Variants in NASP observed in about 807,000 individuals in gnomAD.
NASP encodes the protein nuclear autoantigenic sperm protein.
In NASP, 24 loss-of-function variants were observed where a neutral mutation model predicts 89.5. The observed-to-expected ratio is 0.27, with a 90% confidence interval of 0.19 to 0.38. NASP has a LOEUF of 0.38. Among genes scored for constraint, NASP ranks in the 10% least tolerant of loss-of-function variants. The probability of loss-of-function intolerance (pLI) is 1.00; values close to 1 mark genes in which losing one functional copy is unlikely to be tolerated. For synonymous variants in NASP, 306 were observed against 324.7 expected (o/e 0.94, Z 0.62); for missense variants, 848 against 921.4 (o/e 0.92, Z 1.03).
chr1:45,595,393 A>G (rs953291466), intron 2 of NASP, among the ~76,000 whole-genome samples: 3 of 151,998 alleles, frequency 2.0e-5, no homozygotes, highest in Non-Finnish European at 2.9e-5. Context: ...CCTTTGTTTT[A>G]TATTTGGTTC....
chr1:45,616,588 T>C (rs756916292), intron 12 of NASP, 38 bp from the exon 13 acceptor site: 2 of 1,592,864 alleles, frequency 1.3e-6, no homozygotes, highest in South Asian at 1.1e-5. Flanking sequence ...TGATCTCATA[T>C]AGCTTGTACA....
At chr1:45,616,459 C>A in intron 12 of NASP, 66 bp downstream of exon 12, 1 of 1,570,106 alleles carries the variant, frequency 6.4e-7, no homozygotes, top group Non-Finnish European at 8.8e-7. Context: ...GCCTGTAATC[C>A]CAGCATTTTG....
chr1:45,584,352 G>GT, intron 1 of NASP, 147 bp downstream of exon 1: 1 of 711,382 alleles, frequency 1.4e-6, no homozygotes, highest in Non-Finnish European at 2.3e-6. Flanking sequence ...CCTGGTCACT[G>GT]GAGCAGTCCT....
At chr1:45,613,273 G>A (rs1421325371) in intron 7 of NASP, 25 bp downstream of exon 7, 1 of 1,590,704 alleles carries the variant, frequency 6.3e-7, no homozygotes, top group East Asian at 2.3e-5. Context: ...ACTCAGTACT[G>A]TTGTCAGCCT....
intron 2 of NASP, among the ~76,000 whole-genome samples, chr1:45,600,064 T>C (rs917061138): frequency 6.6e-6 from 1 of 151,434 alleles, no homozygotes; most frequent in African/African-American, 2.4e-5. Context: ...TCTGGAATTG[T>C]GCCCAGCAAT....
chr1:45,601,685 T>G (rs1643847139), intron 2 of NASP, among the ~76,000 whole-genome samples: 1 of 151,262 alleles, frequency 6.6e-6, no homozygotes, highest in African/African-American at 2.4e-5. Context: ...GTGGATCAAT[T>G]AGGAAATATT....
At position 45,615,083 on chromosome 1, in the gene NASP, C is replaced by G; in HGVS notation, c.1737C>G (p.His579Gln). The change falls in exon 10 of 15, where the codon CAC becomes CAG. Residue 579 changes from histidine to glutamine, a missense_variant. This residue lies in a region of NASP where 60 missense variants were observed against 114.6 expected (regional missense o/e 0.52). Transcript: ENST00000350030. ...TGCAGGAACAGTACCTGGAAGCCCACGACCGTCTCCTTGCAGAGACCCACT... is the reference window on the plus strand; with the variant it reads ...TGCAGGAACAGTACCTGGAAGCCCAGGACCGTCTCCTTGCAGAGACCCACT... Reference protein sequence around the residue: ...LNLQEQYLEAHDRLLAETHYQ... With the variant: ...LNLQEQYLEAQDRLLAETHYQ... 1 of 1,614,132 alleles carries G rather than the reference C, an allele frequency of 6.2e-7. No individual in the cohort carries two copies.
intron 6 of NASP, chr1:45,611,161 G>A (rs1051759709): frequency 6.6e-6 from 1 of 152,204 alleles, no homozygotes; most frequent in Non-Finnish European, 1.5e-5. Flanking sequence ...ATTTACATAT[G>A]TAGGATAATT....
chr1:45,605,914 T>A (rs1436073350), intron 4 of NASP, among the ~76,000 whole-genome samples: 5 of 151,692 alleles, frequency 3.3e-5, no homozygotes, highest in Non-Finnish European at 1.5e-5. Context: ...GTAGCTGGGA[T>A]TACAAGTATG....
rs190668134 is a variant in NASP, at chr1:45,601,975, A to G, written c.108-280A>G. Among the ~76,000 whole-genome samples, 459 of 152,074 alleles carry G rather than the reference A, an allele frequency of 3.0e-3. 4 individuals are homozygous for G. The highest frequency in any genetic ancestry group is 0.022 in the East Asian group (115 of 5,158). ...CACCATGTTAGCCAGGATGGTCTCG[A>G]TCTCCTGACCTCGTGGTCTGCCCGC... On this transcript the variant is annotated intron_variant, in intron 2 of 14. Transcript: ENST00000350030.
chr1:45,617,673 C>T (rs974754787), intron 14 of NASP, 82 bp downstream of exon 14: 1 of 1,442,680 alleles, frequency 6.9e-7, no homozygotes, highest in African/African-American at 1.4e-5. Context: ...CAAGTGCATG[C>T]TCCCCACCTT....
intron 10 of NASP, 30 bp from the exon 11 acceptor site, chr1:45,615,275 A>C (rs1972410): frequency 0.71 from 1,139,552 of 1,610,972 alleles, 403,785 homozygotes; most frequent in African/African-American, 0.76. Flanking sequence ...TTCTTTTTTG[A>C]GCCATTACTA....
In NASP at chr1:45,617,695, C is replaced by T. The variant is rs968138644; in HGVS notation, c.2286+104C>T. The T allele has an allele frequency of 2.6e-5, 35 of 1,352,780 alleles. No individual in the cohort carries two copies. The African/African-American group carries it at 3.8e-4, about 15-fold the overall frequency. 83.8% of individuals were successfully genotyped at this position (1,352,780 alleles called of 1,614,324 possible). On this transcript the variant is annotated intron_variant, in intron 14 of 14. Transcript: ENST00000350030. ...ATGCTCCCCACCTTGAGCCTGCTAA[C>T]GATTGTTGAGTGCAGTCCTCACAGA...
chr1:45,611,309 C>T (rs1388272011), intron 6 of NASP: 1 of 152,144 alleles, frequency 6.6e-6, no homozygotes, highest in African/African-American at 2.4e-5. Context: ...AACAAAATAT[C>T]TTAATTACTT....
intron 5 of NASP, among the ~76,000 whole-genome samples, chr1:45,606,874 T>A (rs1167023976): frequency 6.6e-6 from 1 of 152,262 alleles, no homozygotes; most frequent in Non-Finnish European, 1.5e-5. Flanking sequence ...TTTTAAATAC[T>A]ATTACAACCT....
At chr1:45,602,225 T>C in intron 2 of NASP, 30 bp from the exon 3 acceptor site, 2 of 1,604,198 alleles carry the variant, frequency 1.2e-6, no homozygotes, top group Non-Finnish European at 1.7e-6. Flanking sequence ...TAAACAGTAC[T>C]TGACACTAGA....
intron 14 of NASP, among the ~76,000 whole-genome samples, 159 bp from the exon 15 acceptor site, chr1:45,617,902 G>A (rs1198083862): frequency 2.0e-5 from 3 of 152,240 alleles, no homozygotes; most frequent in South Asian, 2.1e-4. Context: ...TTATCACAGA[G>A]TATTCAAGAA....
intron 5 of NASP, 78 bp downstream of exon 5, chr1:45,606,669 A>G: frequency 1.0e-6 from 1 of 980,792 alleles, no homozygotes; most frequent in Non-Finnish European, 1.6e-6. Flanking sequence ...ACGGGGCTCT[A>G]CCTGTCCTGG....
Position 45,584,092 on chromosome 1 carries a change from C to A in NASP, c.-55C>A. 1 of 1,503,118 alleles carries A rather than the reference C, an allele frequency of 6.7e-7. No individual in the cohort carries two copies. The highest frequency in any genetic ancestry group is 1.2e-5 in the South Asian group (1 of 83,122). The allele number at this position is 1,503,118 out of a possible 1,614,324, so 93.1% of individuals were successfully genotyped here. On this transcript the variant is annotated 5_prime_UTR_variant, in exon 1 of 15. Coordinates refer to ENST00000350030, the MANE Select transcript of NASP (RefSeq NM_002482.4). The stretch of plus-strand genomic sequence containing the variant: ...AGTGAGTCTCTGGCGTCCCAAATTG[C>A]CTGTTTTTCTCGCAGGCTCTATTCC...
Sources: allele counts gnomAD v4.1 joint callset (sites outside exome capture counted in the v4.1 genomes callset), GRCh38; gene constraint gnomAD v4.1.1; regional missense constraint gnomAD v4.1.1; transcripts MANE v1.5; gene names NCBI Gene and HGNC (gene_info 2026-07-23, HGNC 2026-07-21).